Variants in MORC1 observed in about 807,000 individuals in gnomAD.
The protein encoded by MORC1 is MORC family CW-type zinc finger 1, also known as MORC family CW-type zinc finger protein 1.
In MORC1, 59 loss-of-function variants were observed where a neutral mutation model predicts 134.9. The observed-to-expected ratio is 0.44, with a 90% confidence interval of 0.35 to 0.54. MORC1 has a LOEUF of 0.54. MORC1 is among the 20% of genes least tolerant of loss of function. The probability of loss-of-function intolerance (pLI) is 0.00; values close to 1 mark genes in which losing one functional copy is unlikely to be tolerated. For missense variants in MORC1, 947 were observed against 1,134.5 expected, an observed-to-expected ratio of 0.83 and a Z score of 2.37; for synonymous variants, 395 against 391.7, an observed-to-expected ratio of 1.01 and a Z score of -0.10.
intron 3 of MORC1, among the ~76,000 whole-genome samples, chr3:109,105,693 A>G (rs1469366338): frequency 6.6e-6 from 1 of 151,996 alleles, no homozygotes; most frequent in Non-Finnish European, 1.5e-5. Context: ...AAAAAAAAAA[A>G]AGTCACCTAG....
intron 5 of MORC1, among the ~76,000 whole-genome samples, 176 bp from the exon 6 acceptor site, chr3:109,099,642 A>G (rs1173779959): frequency 2.0e-5 from 3 of 152,000 alleles, no homozygotes; most frequent in African/African-American, 7.2e-5. Context: ...GAAGAATTTG[A>G]ACTAAGCCAG....
intron 11 of MORC1, among the ~76,000 whole-genome samples, chr3:109,060,798 A>G (rs952268962): frequency 2.6e-4 from 40 of 152,294 alleles, no homozygotes; most frequent in African/African-American, 8.2e-4. Flanking sequence ...CCCCCAGAGC[A>G]CAGAACAGAG....
chr3:109,091,345 G>A (rs1950720013), intron 8 of MORC1, among the ~76,000 whole-genome samples: 1 of 151,994 alleles, frequency 6.6e-6, no homozygotes, highest in South Asian at 2.1e-4. Context: ...TTGGGAGGCT[G>A]AGGGATGAGA....
intron 16 of MORC1, 30 bp from the exon 17 acceptor site, chr3:109,027,919 T>C (rs1354006818): frequency 6.2e-7 from 1 of 1,605,488 alleles, no homozygotes; most frequent in African/African-American, 1.3e-5. Context: ...AAGATTAACA[T>C]CAGGAGAAAT....
chr3:109,008,463 A>G (rs1032579019), intron 17 of MORC1, among the ~76,000 whole-genome samples: 1 of 147,212 alleles, frequency 6.8e-6, no homozygotes, highest in African/African-American at 2.5e-5. Flanking sequence ...TATATATATA[A>G]TTATATGTAT....
intron 6 of MORC1, among the ~76,000 whole-genome samples, chr3:109,095,614 T>C (rs928492485): frequency 6.6e-6 from 1 of 152,186 alleles, no homozygotes; most frequent in South Asian, 2.1e-4. Context: ...ATTTCTAGAC[T>C]GGAAGACATA....
chr3:109,102,653 G>A (rs965515231), intron 4 of MORC1, among the ~76,000 whole-genome samples: 4 of 152,098 alleles, frequency 2.6e-5, no homozygotes, highest in South Asian at 4.1e-4. Context: ...CTGAATATCC[G>A]TCACTTGTCT....
chr3:109,047,444 C>G (rs1949719341), intron 14 of MORC1, among the ~76,000 whole-genome samples: 2 of 152,072 alleles, frequency 1.3e-5, no homozygotes. Context: ...ATGTCATTAT[C>G]ATGATAATAC....
chr3:109,113,102 A>G (rs954915354), intron 2 of MORC1, among the ~76,000 whole-genome samples: 1 of 152,222 alleles, frequency 6.6e-6, no homozygotes, highest in East Asian at 1.9e-4. Context: ...CAAGTTGCTG[A>G]AAGTGGGCCC....
chr3:109,031,897 G>A (rs1409435090), intron 16 of MORC1, among the ~76,000 whole-genome samples: 1 of 152,174 alleles, frequency 6.6e-6, no homozygotes, highest in African/African-American at 2.4e-5. Flanking sequence ...CCTGGGCCAT[G>A]AGAAATCTAA....
At chr3:109,099,532 C>T in intron 5 of MORC1, 66 bp from the exon 6 acceptor site, 7 of 1,181,850 alleles carry the variant, frequency 5.9e-6, no homozygotes, top group Non-Finnish European at 7.2e-6. Context: ...AACAGGCAGA[C>T]TGTTATCACC....
At chr3:108,979,797 C>T in intron 23 of MORC1, 130 bp from the exon 24 acceptor site, 1 of 887,198 alleles carries the variant, frequency 1.1e-6, no homozygotes, top group Admixed American at 2.8e-5. Flanking sequence ...ATGCCGAAAA[C>T]TGCCACCACT....
intron 7 of MORC1, 74 bp downstream of exon 7, chr3:109,094,835 A>G (rs954755832): frequency 7.3e-7 from 1 of 1,372,556 alleles, no homozygotes; most frequent in East Asian, 2.6e-5. Context: ...AAATGAAAAC[A>G]TATGTACAGT....
intron 9 of MORC1, among the ~76,000 whole-genome samples, chr3:109,064,271 GC>G (rs1206338750): frequency 6.6e-6 from 1 of 151,944 alleles, no homozygotes; most frequent in Admixed American, 6.6e-5. Context: ...GGTAAAAGGG[GC>G]TTTTGGTTAT....
In MORC1 at chr3:108,981,487, C is replaced by G. The variant is rs1947720191; in HGVS notation, c.2325-1820G>C. On this transcript the variant is annotated intron_variant, in intron 23 of 27. Transcript: ENST00000232603. ...TTAGTTATAACCTTCTTTATGCTGACACTTCATTAAAGAAGTCTTTTTCTT... is the reference window on the plus strand; with the variant it reads ...TTAGTTATAACCTTCTTTATGCTGAGACTTCATTAAAGAAGTCTTTTTCTT... Among the ~76,000 whole-genome samples, 3 of 152,102 alleles carry G rather than the reference C, an allele frequency of 2.0e-5. No individual in the cohort carries two copies. The East Asian group carries it at 5.8e-4, about 29-fold the overall frequency.
Position 109,118,123 on chromosome 3 carries a change from G to GCGCCCGCGCCCACTCCCA in MORC1, c.-65_-64insTGGGAGTGGGCGCGGGCG, listed in dbSNP as rs2107818470. ...ACACCTGACCGGCAGCCGTTCGCCT[G>GCGCCCGCGCCCACTCCCA]CGCCCGCGCCCACTCCCACGCCCAC... On this transcript the variant is annotated 5_prime_UTR_variant, in exon 1 of 28. Coordinates refer to ENST00000232603, the MANE Select transcript of MORC1 (RefSeq NM_014429.4). 1 of 1,548,746 alleles carries GCGCCCGCGCCCACTCCCA rather than the reference G, an allele frequency of 6.5e-7. No homozygotes were observed. Among genetic ancestry groups the GCGCCCGCGCCCACTCCCA allele is most frequent in the East Asian group, 2.4e-5 (1 of 41,628 alleles).
rs191184377 is a variant in MORC1 at position 109,012,877 on chromosome 3, T to A, written c.1705-5786A>T. Reference sequence around the variant, plus strand: ...AAAACTTTTACCTCTTCTTCTGTAATCTGAGTGCCTTTTCTTTCTTTTTCT... The same window carrying A: ...AAAACTTTTACCTCTTCTTCTGTAAACTGAGTGCCTTTTCTTTCTTTTTCT... On this transcript the variant is annotated intron_variant, in intron 17 of 27. Coordinates refer to ENST00000232603, the MANE Select transcript of MORC1 (RefSeq NM_014429.4). 1.2e-3 allele frequency among the ~76,000 whole-genome samples: 176 copies of A among 152,334 alleles called. 1 individual carries two copies. Among genetic ancestry groups the A allele is most frequent in the Non-Finnish European group, 1.1e-3 (76 of 68,028 alleles).
chr3:109,073,417 T>C (rs1230639212), intron 8 of MORC1, among the ~76,000 whole-genome samples: 1 of 116,582 alleles, frequency 8.6e-6, no homozygotes, highest in Non-Finnish European at 1.9e-5. Context: ...GCCACTTTGA[T>C]TGGACACCAC....
intron 3 of MORC1, among the ~76,000 whole-genome samples, chr3:109,108,524 A>T (rs1329195301): frequency 6.6e-6 from 1 of 151,708 alleles, no homozygotes; most frequent in Non-Finnish European, 1.5e-5. Flanking sequence ...CCATAGCCAT[A>T]CCTCCCTGCT....
Sources: gnomAD v4.1 joint callset for allele counts (sites outside exome capture counted in the v4.1 genomes callset) on GRCh38, gnomAD v4.1.1 for gene constraint, MANE v1.5 for transcripts, NCBI Gene and HGNC (gene_info 2026-07-23, HGNC 2026-07-21) for gene names.